Variants in SACS observed in about 807,000 individuals in gnomAD.
SACS encodes sacsin molecular chaperone.
A neutral mutation model predicts 348.0 loss-of-function variants in SACS; 197 were observed. The observed-to-expected ratio is 0.57, with a 90% CI of 0.50 to 0.64. SACS has a LOEUF of 0.64. Ranked by LOEUF, SACS falls within the 30% of genes least tolerant of loss-of-function variation. The pLI is 0.00. For synonymous variants in SACS, 1,985 were observed against 1,910.6 expected (o/e 1.04, Z -1.02); for missense variants, 4,999 against 5,360.8 (o/e 0.93, Z 2.11).
chr13:23,422,205 G>T (rs544393701), intron 1 of SACS, among the ~76,000 whole-genome samples: 2 of 151,948 alleles, frequency 1.3e-5, no homozygotes, highest in Non-Finnish European at 2.9e-5. Context: ...ACATTTTATA[G>T]AATCTAACAA....
intron 2 of SACS, among the ~76,000 whole-genome samples, chr13:23,392,984 TC>T (rs1872586375): frequency 6.6e-6 from 1 of 152,004 alleles, no homozygotes; most frequent in African/African-American, 2.4e-5. Flanking sequence ...AGCACAGACA[TC>T]GGGAGAGGCC....
chr13:23,368,249 C>T (rs1209400957), intron 5 of SACS, among the ~76,000 whole-genome samples, 153 bp downstream of exon 5: 1 of 152,204 alleles, frequency 6.6e-6, no homozygotes, highest in Non-Finnish European at 1.5e-5. Context: ...TGGAGCTATA[C>T]ACTGCTATAC....
chr13:23,368,289 T>G (rs1215585593), intron 5 of SACS, 113 bp downstream of exon 5: 18 of 730,714 alleles, frequency 2.5e-5, no homozygotes, highest in Non-Finnish European at 4.2e-5. Context: ...AATACAGCTA[T>G]TTGAATCTAG....
rs78682319 is a variant in SACS, at chr13:23,411,517, C to T, written c.-278G>A. The T allele has an allele frequency of 3.4e-3, 1,585 of 465,488 alleles. 18 individuals are homozygous for T. The highest frequency in any genetic ancestry group is 0.03 in the African/African-American group (1,493 of 50,044). The allele number at this position is 465,488 out of a possible 1,614,324, so 28.8% of individuals were successfully genotyped here. A position where few individuals can be genotyped will look rare whatever the true frequency, so the allele number is the denominator to read the frequency against. The stretch of plus-strand genomic sequence containing the variant: ...ACCCATGGAAGTTCTCAGGATAAAA[C>T]AGTGTGGATTCGCTAAAGGTTTTTG... On this transcript the variant is annotated 5_prime_UTR_variant, in exon 2 of 10. Coordinates refer to ENST00000382292, the MANE Select transcript of SACS (RefSeq NM_014363.6).
At chr13:23,353,971 T>C (rs1371726376) in intron 8 of SACS, 95 bp from the exon 9 acceptor site, 1 of 777,964 alleles carries the variant, frequency 1.3e-6, no homozygotes, top group Non-Finnish European at 2.3e-6. Context: ...TTAAGCCGAC[T>C]ATTTTATTTT....
intron 1 of SACS, among the ~76,000 whole-genome samples, chr13:23,423,571 A>G (rs745524456): frequency 5.9e-5 from 9 of 152,206 alleles, no homozygotes; most frequent in Non-Finnish European, 1.2e-4. Flanking sequence ...TTAGGCCTCT[A>G]TATGAACCTA....
In SACS at chr13:23,355,870, C is replaced by T; in HGVS notation, c.742G>A (p.Ala248Thr). 6.2e-7 allele frequency: 1 copy of T among 1,614,182 alleles called. No individual in the cohort carries two copies. Among genetic ancestry groups the T allele is most frequent in the Admixed American group, 1.7e-5 (1 of 60,026 alleles). The change falls in exon 8 of 10, where the codon GCA becomes ACA. Residue 248 changes from alanine (A) to threonine (T), a missense_variant. Ala to Thr is a moderately conservative substitution (Grantham distance 58). This residue lies in a region of SACS where 3,156 missense variants were observed against 3,380.1 expected (regional missense o/e 0.93). Coordinates refer to ENST00000382292, the MANE Select transcript of SACS (RefSeq NM_014363.6). ...KEISELSDQF[A>T]PFVGIFGSTK... ...CTTCCAAAAATGCCAACAAATGGTG[C>T]AAACTGGTCTGAAAGTTCACTAATT...
chr13:23,363,888 A>G (rs1870901766), intron 6 of SACS, among the ~76,000 whole-genome samples: 1 of 152,172 alleles, frequency 6.6e-6, no homozygotes, highest in African/African-American at 2.4e-5. Context: ...ACTGTGTAGG[A>G]TTAGGACTTA....
In SACS at chr13:23,385,058, G is replaced by A. The variant is rs142680021; in HGVS notation, c.21-9789C>T. Among the ~76,000 whole-genome samples the A allele has an allele frequency of 8.9e-3, 1,353 of 151,716 alleles. 29 individuals carry two copies. The highest frequency in any genetic ancestry group is 0.031 in the African/African-American group (1,281 of 41,324). Reference sequence around the variant, plus strand: ...AGGCAGATCACGAGGTCAGGAGATCGAGAACATCCTGGCTAACACGGTGAA... The same window carrying A: ...AGGCAGATCACGAGGTCAGGAGATCAAGAACATCCTGGCTAACACGGTGAA... On this transcript the variant is annotated intron_variant, in intron 2 of 9. Transcript: ENST00000382292.
At position 23,332,300 on chromosome 13, in the gene SACS, C is replaced by T. The variant is rs149427669; in HGVS notation, c.11576G>A (p.Arg3859His). Residue 3859 changes from arginine (R) to histidine (H), a missense_variant, in exon 10 of 10, where the codon CGC becomes CAC. Transcript: ENST00000382292. Reference protein sequence around the residue: ...STKQYVEVLSRIFKNSEGKQL... With the variant: ...STKQYVEVLSHIFKNSEGKQL... ...TTTGCCCTCAGAATTTTTAAATATG[C>T]GGCTCAACACTTCAACATATTGCTT... 3.9e-5 allele frequency: 63 copies of T among 1,613,764 alleles called. No homozygotes were observed. Among genetic ancestry groups the T allele is most frequent in the Non-Finnish European group, 4.4e-5 (52 of 1,179,914 alleles).
intron 3 of SACS, among the ~76,000 whole-genome samples, chr13:23,374,217 G>C (rs940952195): frequency 6.6e-6 from 1 of 152,226 alleles, no homozygotes; most frequent in African/African-American, 2.4e-5. Context: ...CATGAAAACA[G>C]GTAATAAATG....
chr13:23,383,345 C>T (rs1566095613), intron 2 of SACS, among the ~76,000 whole-genome samples: 1 of 152,278 alleles, frequency 6.6e-6, no homozygotes, highest in South Asian at 2.1e-4. Flanking sequence ...GCTGTTCTCA[C>T]TGCCCCACAT....
intron 1 of SACS, among the ~76,000 whole-genome samples, chr13:23,421,239 A>G (rs1177274806): frequency 2.0e-5 from 3 of 151,786 alleles, no homozygotes; most frequent in Admixed American, 6.6e-5. Flanking sequence ...CCTGATGTCA[A>G]CCTGAGGTGT....
chr13:23,398,286 A>T (rs1156438392), intron 2 of SACS, among the ~76,000 whole-genome samples: 1 of 151,688 alleles, frequency 6.6e-6, no homozygotes, highest in African/African-American at 2.4e-5. Flanking sequence ...TAATCCTAGC[A>T]CTTCGGGAGG....
intron 2 of SACS, among the ~76,000 whole-genome samples, chr13:23,394,674 T>A (rs1872645668): frequency 6.6e-6 from 1 of 152,098 alleles, no homozygotes; most frequent in Non-Finnish European, 1.5e-5. Context: ...GCCAACATGG[T>A]GAAACCCCAT....
chr13:23,333,649 T>C lies in SACS; in HGVS notation c.10227A>G (p.Ser3409=), dbSNP rs1593123878. The C allele has an allele frequency of 3.7e-6, 6 of 1,613,790 alleles. No individual in the cohort carries two copies. The highest frequency in any genetic ancestry group is 2.2e-5 in the East Asian group (1 of 44,874). The change falls in exon 10 of 10, where the codon TCA becomes TCG. Residue 3409 remains serine (S), a synonymous_variant. Transcript: ENST00000382292. ...CACTGATGGATTTATAGCACGGAAG[T>C]GACTTTAGAATTTTTATATCATCTT... is the stretch of plus-strand genomic sequence containing the variant. ...MSQDDIKILK[S]LPCYKSISGR...
At chr13:23,432,958 CGA>C (rs1162064372) in intron 1 of SACS, among the ~76,000 whole-genome samples, 11 of 152,152 alleles carry the variant, frequency 7.2e-5, no homozygotes, top group African/African-American at 2.4e-4. Flanking sequence ...AAAAAGACAG[CGA>C]GAGAGAGGTT....
rs1227392929 is a variant in SACS, at chr13:23,338,652, A to G, written c.5224T>C (p.Cys1742Arg). 3.1e-6 allele frequency: 5 copies of G among 1,614,192 alleles called. No individual in the cohort carries two copies. Among genetic ancestry groups the G allele is most frequent in the South Asian group, 2.2e-5 (2 of 91,086 alleles). ...GGAAGCTTTTTATTACTGCTGCTGC[A>G]AGTCTTCATGAGCTTAGCAGCCTCT... ...LKEAAKLMKT[C>R]SSSNKKLPSD... Residue 1742 changes from cysteine (C) to arginine (R), a missense_variant, in exon 10 of 10, where the codon TGC becomes CGC. By Grantham distance (180) the Cys-to-Arg change is radical. Transcript: ENST00000382292.
chr13:23,335,392 A>G lies in SACS; in HGVS notation c.8484T>C (p.Ser2828=). Residue 2828 remains serine (S), a synonymous_variant, in exon 10 of 10, where the codon AGT becomes AGC. Coordinates refer to ENST00000382292, the MANE Select transcript of SACS (RefSeq NM_014363.6). This position sits in a 1 kb window ranked among gnomAD's most constrained non-coding sequence, Gnocchi z 4.7. ...WLICNRSGFS[S]MEKVSKSVIS... is the part of the protein sequence containing the mutation. ...TGACACTTTTAGATACTTTCTCCAT[A>G]CTTGAAAAGCCTGATCTATTACAAA... The G allele has an allele frequency of 6.2e-7, 1 of 1,613,882 alleles. No homozygotes were observed. Among genetic ancestry groups the G allele is most frequent in the Non-Finnish European group, 8.5e-7 (1 of 1,179,860 alleles).
Sources: allele counts gnomAD v4.1 joint callset (sites outside exome capture counted in the v4.1 genomes callset), GRCh38; gene constraint gnomAD v4.1.1; regional missense constraint gnomAD v4.1.1; non-coding constraint Gnocchi (gnomAD v3.1); transcripts MANE v1.5; gene names NCBI Gene and HGNC (gene_info 2026-07-23, HGNC 2026-07-21).